Variants in CHLSN observed in about 807,000 individuals in gnomAD.
CHLSN encodes protein cholesin.
chr7:988,802 T>C, the CHLSN span: 146 of 1,587,308 alleles, frequency 9.2e-5, no homozygotes, highest in Middle Eastern at 8.2e-4. Context: ...CCAGGCCCTG[T>C]GTGCGGTGCC....
At chr7:981,646 G>A in the CHLSN span, among the ~76,000 whole-genome samples, 8 of 152,124 alleles carry the variant, frequency 5.3e-5, no homozygotes, top group African/African-American at 1.9e-4. Flanking sequence ...CCCGGGAGGC[G>A]GAGGTTGCAG....
chr7:1,090,851 A>G, the CHLSN span, among the ~76,000 whole-genome samples: 2 of 152,258 alleles, frequency 1.3e-5, no homozygotes, highest in Admixed American at 6.5e-5. Context: ...CTTTCACTCT[A>G]TATTACGAAA....
chr7:1,113,992 G>A, the CHLSN span, among the ~76,000 whole-genome samples: 1 of 152,232 alleles, frequency 6.6e-6, no homozygotes, highest in Non-Finnish European at 1.5e-5. Context: ...CGTCGACATA[G>A]ATACTAATTT....
At chr7:1,015,654 G>A in the CHLSN span, among the ~76,000 whole-genome samples, 2 of 152,322 alleles carry the variant, frequency 1.3e-5, no homozygotes, top group South Asian at 2.1e-4. Flanking sequence ...GAGGACCCAG[G>A]ACTAACCCAG....
the CHLSN span, among the ~76,000 whole-genome samples, chr7:1,078,228 G>A: frequency 6.6e-6 from 1 of 152,256 alleles, no homozygotes; most frequent in East Asian, 1.9e-4. Context: ...GCAGGGCAAG[G>A]AAGTGGAGAC....
the CHLSN span, among the ~76,000 whole-genome samples, chr7:1,114,336 A>T: frequency 6.6e-6 from 1 of 152,266 alleles, no homozygotes; most frequent in East Asian, 1.9e-4. Flanking sequence ...GCAGCTGGGG[A>T]GTGACCTCAG....
the CHLSN span, among the ~76,000 whole-genome samples, chr7:1,116,387 C>T: frequency 2.0e-4 from 29 of 143,284 alleles, no homozygotes; most frequent in African/African-American, 7.5e-4. Flanking sequence ...CCATCACCGA[C>T]GCCCACGCAG....
chr7:1,030,815 C>T, the CHLSN span, among the ~76,000 whole-genome samples: 1 of 152,118 alleles, frequency 6.6e-6, no homozygotes, highest in Non-Finnish European at 1.5e-5. Context: ...AGGTGGGGCT[C>T]TCTCTGGGCA....
the CHLSN span, among the ~76,000 whole-genome samples, chr7:1,036,784 C>G: frequency 6.7e-6 from 1 of 148,734 alleles, no homozygotes; most frequent in African/African-American, 2.4e-5. Context: ...GCTCTGAAGG[C>G]GAACGCTTCG....
At chr7:1,009,105 G>A in the CHLSN span, among the ~76,000 whole-genome samples, 3 of 152,172 alleles carry the variant, frequency 2.0e-5, no homozygotes, top group East Asian at 1.9e-4. Flanking sequence ...TGCTCATTCC[G>A]CTAGCTGCAC....
chr7:1,012,831 T>TG, the CHLSN span, among the ~76,000 whole-genome samples: 2 of 152,014 alleles, frequency 1.3e-5, no homozygotes, highest in Non-Finnish European at 2.9e-5. Context: ...CTCGCTGCCT[T>TG]GGGGGTGCCG....
At chr7:1,092,777 G>A in the CHLSN span, 121 of 1,613,594 alleles carry the variant, frequency 7.5e-5, no homozygotes, top group East Asian at 3.3e-4. Context: ...GCCCTGAACC[G>A]CTTCTGTCAC....
At chr7:1,109,767 G>C in the CHLSN span, among the ~76,000 whole-genome samples, 1 of 151,832 alleles carries the variant, frequency 6.6e-6, no homozygotes, top group Non-Finnish European at 1.5e-5. Context: ...CCCGCCCGCC[G>C]GGCCCTGGGG....
chr7:1,010,053 G>A, the CHLSN span: 49 of 1,612,036 alleles, frequency 3.0e-5, no homozygotes, highest in Admixed American at 2.3e-4. Flanking sequence ...TCTTTCTTCC[G>A]TTCCTTTTTC....
the CHLSN span, among the ~76,000 whole-genome samples, chr7:1,007,063 T>C: frequency 1.3e-5 from 2 of 152,074 alleles, no homozygotes; most frequent in Non-Finnish European, 2.9e-5. Context: ...TCGACGTGTC[T>C]TGGGGGCAGA....
the CHLSN span, among the ~76,000 whole-genome samples, chr7:1,110,230 C>G: frequency 6.6e-6 from 1 of 152,236 alleles, no homozygotes; most frequent in Non-Finnish European, 1.5e-5. Context: ...GCCAGAATAC[C>G]TCGAGATGCC....
At chr7:1,115,711 C>A in the CHLSN span, among the ~76,000 whole-genome samples, 1 of 125,904 alleles carries the variant, frequency 7.9e-6, no homozygotes, top group African/African-American at 3.0e-5. Context: ...TTCACTACAG[C>A]TCTACGGACC....
chr7:985,100 G>A, the CHLSN span: 1 of 1,611,758 alleles, frequency 6.2e-7, no homozygotes, highest in Non-Finnish European at 8.5e-7. Flanking sequence ...GGCTACAGAG[G>A]TGAGCAGGGG....
the CHLSN span, among the ~76,000 whole-genome samples, chr7:1,008,677 G>C: frequency 1.3e-5 from 2 of 152,164 alleles, no homozygotes; most frequent in East Asian, 3.9e-4. Context: ...CTGGTGCAGG[G>C]CAGCCAAGAG....
Sources: gnomAD v4.1 joint callset for allele counts (sites outside exome capture counted in the v4.1 genomes callset) on GRCh38, gnomAD v4.1.1 for gene constraint, MANE v1.5 for transcripts, NCBI Gene and HGNC (gene_info 2026-07-23, HGNC 2026-07-21) for gene names.